The following CACNA1I variants were observed in gnomAD, a reference collection of about 807,000 sequenced individuals.
CACNA1I encodes voltage-dependent T-type calcium channel subunit alpha-1I.
Under a neutral mutation model 201.6 loss-of-function variants are expected in CACNA1I, and 74 were observed. That is an observed-to-expected ratio of 0.37 (90% confidence interval 0.30 to 0.45). CACNA1I has a LOEUF of 0.45. Ranked by LOEUF, CACNA1I falls within the 20% of genes least tolerant of loss-of-function variation. The pLI, the probability that CACNA1I is intolerant of heterozygous loss-of-function variation, is 1.00. For missense variants in CACNA1I, 2,346 were observed against 3,138.1 expected, an observed-to-expected ratio of 0.75 and a Z score of 6.03; for synonymous variants, 1,431 against 1,345.2, an observed-to-expected ratio of 1.06 and a Z score of -1.40.
chr22:39,621,841 A>G (rs1160288345), intron 4 of CACNA1I, among the ~76,000 whole-genome samples: 1 of 152,038 alleles, frequency 6.6e-6, no homozygotes, highest in Non-Finnish European at 1.5e-5. Flanking sequence ...CCCCTTGGGC[A>G]CAGGGAGGGG....
At chr22:39,653,958 G>T (rs1231102783) in intron 10 of CACNA1I, among the ~76,000 whole-genome samples, 2 of 152,340 alleles carry the variant, frequency 1.3e-5, no homozygotes, top group African/African-American at 4.8e-5. Context: ...CCCCTGGGTA[G>T]CCCAGGCTGT....
At chr22:39,651,505 GC>G (rs1194631221) in intron 10 of CACNA1I, among the ~76,000 whole-genome samples, 1 of 152,194 alleles carries the variant, frequency 6.6e-6, no homozygotes, top group Non-Finnish European at 1.5e-5. Context: ...GTGAGACAGG[GC>G]CCCCAGGACC....
At chr22:39,612,806 C>T (rs908039152) in intron 3 of CACNA1I, among the ~76,000 whole-genome samples, 6 of 152,172 alleles carry the variant, frequency 3.9e-5, no homozygotes, top group Non-Finnish European at 7.3e-5. Context: ...AATGTCATTA[C>T]TCCCAAATCC....
At chr22:39,661,473 G>C (rs1015316140) in intron 16 of CACNA1I, among the ~76,000 whole-genome samples, 163 bp downstream of exon 16, 1 of 152,190 alleles carries the variant, frequency 6.6e-6, no homozygotes, top group African/African-American at 2.4e-5. Context: ...TGCCAGAGTG[G>C]GACCTGGCAA....
Position 39,661,871 on chromosome 22 carries a change from A to G in CACNA1I, c.2902-94A>G, listed in dbSNP as rs569620351. On this transcript the variant is annotated intron_variant, in intron 16 of 36. Coordinates refer to ENST00000402142, the MANE Select transcript of CACNA1I (RefSeq NM_021096.4). ...CCGCTGGCCAGGTGGGTGGTCTTAG[A>G]GCCACAGCGGGGGTGCAGGCTGCCT... 4.4e-5 allele frequency: 34 copies of G among 767,898 alleles called. No homozygotes were observed. The South Asian group carries it at 6.2e-4, about 14-fold the overall frequency. 47.6% of individuals were successfully genotyped at this position (767,898 alleles called of 1,614,324 possible). A position where few individuals can be genotyped will look rare whatever the true frequency, so the allele number is the denominator to read the frequency against.
At position 39,663,735 on chromosome 22, in the gene CACNA1I, A is replaced by G; in HGVS notation, c.3491A>G (p.Gln1164Arg). The stretch of plus-strand genomic sequence containing the variant: ...CTGCCCAGGTTCCGGGTCCTGTGTC[A>G]GACCATTATTGCCCACAAACTCTTC... The part of the protein sequence containing the change: ...SPENRFRVLC[Q>R]TIIAHKLFDY... Residue 1164 changes from glutamine to arginine, a missense_variant, in exon 19 of 37, where the codon CAG becomes CGG. Transcript: ENST00000402142. The G allele has an allele frequency of 6.6e-7, 1 of 1,522,680 alleles. No individual in the cohort carries two copies. The highest frequency in any genetic ancestry group is 2.3e-5 in the East Asian group (1 of 43,346). The allele number at this position is 1,522,680 out of a possible 1,614,324, so 94.3% of individuals were successfully genotyped here.
chr22:39,576,646 C>T (rs1033477374), intron 1 of CACNA1I, among the ~76,000 whole-genome samples: 6 of 152,196 alleles, frequency 3.9e-5, no homozygotes, highest in Admixed American at 2.6e-4. Flanking sequence ...CCTCTCTGCT[C>T]GGGAAAGGGG....
chr22:39,663,937 G>T, intron 19 of CACNA1I, 96 bp downstream of exon 19: 2 of 1,562,528 alleles, frequency 1.3e-6, no homozygotes, highest in Non-Finnish European at 1.8e-6. Flanking sequence ...AGGTGGGGAG[G>T]CAGGACAGGA....
In CACNA1I at chr22:39,638,705, G is replaced by C. The variant is rs1370316740; in HGVS notation, c.741-2162G>C. ...GGTTATTTTTCCTTTTCCTTATTAA[G>C]TTATGGGAGATTTTCATATGCTTTA... On this transcript the variant is annotated intron_variant, in intron 5 of 36. Coordinates refer to ENST00000402142, the MANE Select transcript of CACNA1I (RefSeq NM_021096.4). Among the ~76,000 whole-genome samples the C allele has an allele frequency of 1.1e-4, 16 of 151,450 alleles. No individual in the cohort carries two copies. In the South Asian group the frequency reaches 2.1e-3, roughly 20 times the overall value.
Position 39,647,806 on chromosome 22 carries a change from T to C in CACNA1I, c.1463-16T>C. 6.6e-7 allele frequency: 1 copy of C among 1,507,600 alleles called. No homozygotes were observed. Among genetic ancestry groups the C allele is most frequent in the Non-Finnish European group, 9.2e-7 (1 of 1,083,350 alleles). The allele number at this position is 1,507,600 out of a possible 1,614,324, so 93.4% of individuals were successfully genotyped here. A position where few individuals can be genotyped will look rare whatever the true frequency, so the allele number is the denominator to read the frequency against. On this transcript the variant is annotated splice_polypyrimidine_tract_variant and intron_variant, in intron 8 of 36. Transcript: ENST00000402142. ...CTGAGAAGGGAGAAGATAGTAATAT[T>C]ATCTCCACTTTTCAGATGGGAAGAC...
At chr22:39,625,730 G>T (rs1165626248) in intron 4 of CACNA1I, among the ~76,000 whole-genome samples, 1 of 152,082 alleles carries the variant, frequency 6.6e-6, no homozygotes, top group African/African-American at 2.4e-5. Context: ...CAAATTAGGA[G>T]TTGGGAGTCT....
intron 10 of CACNA1I, among the ~76,000 whole-genome samples, chr22:39,650,830 A>AG (rs34878339): frequency 6.6e-6 from 1 of 152,096 alleles, no homozygotes; most frequent in African/African-American, 2.4e-5. Context: ...GGTGGGCCCC[A>AG]GGGGGACAGT....
chr22:39,632,325 T>C (rs1297925134), intron 4 of CACNA1I, among the ~76,000 whole-genome samples: 1 of 152,164 alleles, frequency 6.6e-6, no homozygotes, highest in African/African-American at 2.4e-5. Flanking sequence ...GATCGAGGGT[T>C]CTGCTTGCTT....
chr22:39,631,118 C>T (rs1158746402), intron 4 of CACNA1I, among the ~76,000 whole-genome samples: 1 of 152,184 alleles, frequency 6.6e-6, no homozygotes, highest in Non-Finnish European at 1.5e-5. Context: ...CAGAGGTGTC[C>T]TGGCCCCGTG....
intron 1 of CACNA1I, among the ~76,000 whole-genome samples, chr22:39,581,769 TA>T (rs1269599109): frequency 1.3e-5 from 2 of 152,238 alleles, no homozygotes; most frequent in Non-Finnish European, 2.9e-5. Flanking sequence ...GAGAAATCAA[TA>T]AGTCTTTTTA....
chr22:39,678,840 G>A (rs1935593525), intron 31 of CACNA1I, among the ~76,000 whole-genome samples: 1 of 152,220 alleles, frequency 6.6e-6, no homozygotes, highest in East Asian at 1.9e-4. Context: ...TCCCGGGGAA[G>A]CAGGCCAGCT....
At chr22:39,647,407 G>A (rs536101174) in intron 8 of CACNA1I, among the ~76,000 whole-genome samples, 1 of 152,298 alleles carries the variant, frequency 6.6e-6, no homozygotes, top group Admixed American at 6.5e-5. Flanking sequence ...TCGTGGGGCT[G>A]TGAGAGTTAC....
chr22:39,632,329 C>T (rs1194009678), intron 4 of CACNA1I, among the ~76,000 whole-genome samples: 1 of 152,186 alleles, frequency 6.6e-6, no homozygotes, highest in African/African-American at 2.4e-5. Context: ...GAGGGTTCTG[C>T]TTGCTTAGAA....
intron 5 of CACNA1I, among the ~76,000 whole-genome samples, chr22:39,636,699 G>A (rs1038226341): frequency 6.6e-6 from 1 of 152,202 alleles, no homozygotes; most frequent in Non-Finnish European, 1.5e-5. Context: ...ATCTCTTCTG[G>A]GTGATCAGAA....
Sources: allele counts gnomAD v4.1 joint callset (sites outside exome capture counted in the v4.1 genomes callset), GRCh38; gene constraint gnomAD v4.1.1; transcripts MANE v1.5; gene names NCBI Gene and HGNC (gene_info 2026-07-23, HGNC 2026-07-21).